Variants in NRG3 observed in about 807,000 individuals in gnomAD.
The protein encoded by NRG3 is neuregulin 3, also known as pro-neuregulin-3, membrane-bound isoform.
In NRG3, 31 loss-of-function variants were observed where a neutral mutation model predicts 66.9. That is an observed-to-expected ratio of 0.46 (90% CI 0.35 to 0.63). NRG3 has a LOEUF of 0.63. NRG3 is among the 20% of genes least tolerant of loss of function. NRG3 has a pLI of 0.00. For missense variants in NRG3, 910 were observed against 878.9 expected (o/e 1.04, Z -0.45); for synonymous variants, 393 against 359.4 (o/e 1.09, Z -1.06).
intron 1 of NRG3, among the ~76,000 whole-genome samples, chr10:82,005,634 T>C (rs2061349342): frequency 6.6e-6 from 1 of 152,204 alleles, no homozygotes; most frequent in South Asian, 2.1e-4. Context: ...CATCCTTTTT[T>C]CTGCAATGCT....
At chr10:81,876,749 A>C (rs1841697998) in intron 1 of NRG3, among the ~76,000 whole-genome samples, 2 of 152,146 alleles carry the variant, frequency 1.3e-5, no homozygotes, top group South Asian at 4.2e-4. Context: ...ATTAGAAGCC[A>C]CTGGGAGACT....
At chr10:81,944,433 G>T (rs1848664184) in intron 1 of NRG3, among the ~76,000 whole-genome samples, 1 of 152,136 alleles carries the variant, frequency 6.6e-6, no homozygotes, top group Admixed American at 6.5e-5. Context: ...AAGACTAAAA[G>T]AAAACTTAAT....
chr10:82,443,258 A>G (rs1428834500), intron 2 of NRG3, among the ~76,000 whole-genome samples: 2 of 152,164 alleles, frequency 1.3e-5, no homozygotes, highest in Admixed American at 6.5e-5. Flanking sequence ...CATCACGATT[A>G]CAAATGATGA....
rs150128040 is a variant in NRG3 at position 82,035,161 on chromosome 10, G to A, written c.823+158998G>A. On this transcript the variant is annotated intron_variant, in intron 1 of 8. Transcript: ENST00000372141. ...AGCATGCCTTCCAGAATCCAATACA[G>A]CTTCAGAATTCCAGAGAGTGAGGAC... 1.4e-4 allele frequency among the ~76,000 whole-genome samples: 22 copies of A among 152,174 alleles called. No homozygotes were observed. In the East Asian group the frequency reaches 3.5e-3, roughly 24 times the overall value.
At chr10:82,412,136 A>T (rs1309519227) in intron 2 of NRG3, among the ~76,000 whole-genome samples, 1 of 152,176 alleles carries the variant, frequency 6.6e-6, no homozygotes, top group South Asian at 2.1e-4. Context: ...AAGAAAAAAA[A>T]CTAACACATC....
At chr10:82,670,122 C>T (rs938825022) in intron 2 of NRG3, among the ~76,000 whole-genome samples, 1 of 151,924 alleles carries the variant, frequency 6.6e-6, no homozygotes, top group African/African-American at 2.4e-5. Context: ...ATTAGAAAAC[C>T]CTGTGTCTCC....
rs181001150 is a variant in NRG3 at position 82,472,171 on chromosome 10, A to T, written c.953+113303A>T. 1.7e-3 allele frequency among the ~76,000 whole-genome samples: 252 copies of T among 152,330 alleles called. 1 individual carries two copies. Among genetic ancestry groups the T allele is most frequent in the African/African-American group, 5.8e-3 (241 of 41,572 alleles). ...AATATCTTTTACCACCTATAAAAAG[A>T]TTGGTCAGTCTTTGAAAAATTAAAC... On this transcript the variant is annotated intron_variant, in intron 2 of 8. Transcript: ENST00000372141.
chr10:82,593,927 T>G (rs913890094), intron 2 of NRG3, among the ~76,000 whole-genome samples: 3 of 152,098 alleles, frequency 2.0e-5, no homozygotes, highest in Admixed American at 2.0e-4. Context: ...CAAGTCATTT[T>G]AGACCTTTAA....
intron 3 of NRG3, among the ~76,000 whole-genome samples, chr10:82,815,914 G>A (rs116809900): frequency 0.011 from 1,647 of 152,288 alleles, 29 homozygotes; most frequent in African/African-American, 0.034. Context: ...GGCAGGGCAG[G>A]CAGCTCCAGG....
chr10:82,667,583 A>C (rs1318590147), intron 2 of NRG3, among the ~76,000 whole-genome samples: 1 of 152,100 alleles, frequency 6.6e-6, no homozygotes, highest in Non-Finnish European at 1.5e-5. Flanking sequence ...TGACGAAAGG[A>C]GAGGAGAATA....
chr10:82,977,988 A>G (rs528567301), intron 7 of NRG3, among the ~76,000 whole-genome samples: 7 of 152,282 alleles, frequency 4.6e-5, no homozygotes, highest in South Asian at 4.1e-4. Flanking sequence ...TTGTATTGAT[A>G]TTTACAGAGT....
chr10:82,522,557 G>T (rs1287230170), intron 2 of NRG3, among the ~76,000 whole-genome samples: 1 of 152,108 alleles, frequency 6.6e-6, no homozygotes, highest in African/African-American at 2.4e-5. Context: ...ACCAAAAGGT[G>T]ACATGGAAAA....
chr10:82,440,785 A>C (rs1354933975), intron 2 of NRG3, among the ~76,000 whole-genome samples: 1 of 152,184 alleles, frequency 6.6e-6, no homozygotes, highest in Non-Finnish European at 1.5e-5. Context: ...ACATTATATT[A>C]TATTAGCTTA....
chr10:82,867,442 C>A (rs1591776616), intron 4 of NRG3, among the ~76,000 whole-genome samples: 1 of 152,124 alleles, frequency 6.6e-6, no homozygotes, highest in East Asian at 1.9e-4. Context: ...GGAAATGGAA[C>A]CCTGAGAGAA....
intron 1 of NRG3, among the ~76,000 whole-genome samples, chr10:82,290,118 G>T (rs1370411345): frequency 1.3e-5 from 2 of 152,106 alleles, no homozygotes; most frequent in African/African-American, 4.8e-5. Flanking sequence ...CTGCATTCCT[G>T]CTGCACCGTC....
At chr10:82,797,770 GA>G (rs762130474) in intron 3 of NRG3, among the ~76,000 whole-genome samples, 6 of 152,124 alleles carry the variant, frequency 3.9e-5, no homozygotes, top group African/African-American at 1.4e-4. Context: ...TCAATTGGTA[GA>G]TCGGAGTTGT....
intron 8 of NRG3, among the ~76,000 whole-genome samples, chr10:82,980,621 C>T (rs1852768519): frequency 6.6e-6 from 1 of 152,136 alleles, no homozygotes; most frequent in South Asian, 2.1e-4. Context: ...GGAGCAGTGT[C>T]CTGTCTAACA....
At chr10:81,924,837 A>T (rs1054899650) in intron 1 of NRG3, among the ~76,000 whole-genome samples, 5 of 151,914 alleles carry the variant, frequency 3.3e-5, no homozygotes, top group Admixed American at 1.3e-4. Flanking sequence ...AATTGAGTGG[A>T]TTTCCTGTTT....
intron 2 of NRG3, among the ~76,000 whole-genome samples, chr10:82,707,663 G>A (rs2134356818): frequency 6.6e-6 from 1 of 151,314 alleles, no homozygotes; most frequent in Admixed American, 6.6e-5. Flanking sequence ...CAAAGTGCTG[G>A]GATTACAGGT....
Sources: allele counts gnomAD v4.1 joint callset (sites outside exome capture counted in the v4.1 genomes callset), GRCh38; gene constraint gnomAD v4.1.1; transcripts MANE v1.5; gene names NCBI Gene and HGNC (gene_info 2026-07-23, HGNC 2026-07-21).